Variants in SLC2A9 observed in about 807,000 individuals in gnomAD.
SLC2A9 encodes solute carrier family 2 member 9.
SLC2A9 carries 39 observed loss-of-function variants against 50.6 expected under a neutral mutation model. That is an observed-to-expected ratio of 0.77 (90% CI 0.60 to 1.01). SLC2A9 has a LOEUF of 1.01. Ranked by LOEUF, SLC2A9 falls within the 50% of genes least tolerant of loss-of-function variation. The pLI, the probability that SLC2A9 is intolerant of heterozygous loss-of-function variation, is 0.00. For synonymous variants in SLC2A9, 324 were observed against 276.9 expected (o/e 1.17, Z -1.69); for missense variants, 686 against 677.6 (o/e 1.01, Z -0.14).
chr4:9,798,299 C>T (rs1720842533), downstream of SLC2A9, among the ~76,000 whole-genome samples: 1 of 152,212 alleles, frequency 6.6e-6, no homozygotes, highest in African/African-American at 2.4e-5. Context: ...AAGCTAAATA[C>T]TCAGCTTATG....
At chr4:9,780,012 C>T (rs918478605) in exon 4 of SLC2A9, 128 of 152,402 alleles carry the variant, frequency 8.4e-4, no homozygotes, top group Non-Finnish European at 1.8e-4. Context: ...GTGGTGGTGG[C>T]GGCAGCTTGA....
At chr4:9,775,982 G>A (rs892192989), downstream of SLC2A9, among the ~76,000 whole-genome samples, 1 of 151,970 alleles carries the variant, frequency 6.6e-6, no homozygotes, top group African/African-American at 2.4e-5. Flanking sequence ...TGTTCCTAAG[G>A]CTCAGATCTG....
chr4:10,004,584 T>C (rs1760433988), intron 2 of SLC2A9, among the ~76,000 whole-genome samples: 1 of 152,230 alleles, frequency 6.6e-6, no homozygotes, highest in African/African-American at 2.4e-5. Flanking sequence ...AATGGCTTCA[T>C]GGAGCAGAGT....
chr4:9,903,815 A>C (rs1287753125), intron 8 of SLC2A9, among the ~76,000 whole-genome samples: 1 of 147,888 alleles, frequency 6.8e-6, no homozygotes, highest in African/African-American at 2.5e-5. Context: ...ATATATTTCA[A>C]GATATATAAT....
intron 1 of SLC2A9, among the ~76,000 whole-genome samples, chr4:10,030,258 T>A (rs754807587): frequency 5.9e-5 from 9 of 152,166 alleles, no homozygotes; most frequent in Non-Finnish European, 1.2e-4. Context: ...AGGGGATGAG[T>A]TAGCTTGATG....
At chr4:9,986,009 A>ATCTATGAAT (rs1210017446) in intron 3 of SLC2A9, among the ~76,000 whole-genome samples, 2 of 152,196 alleles carry the variant, frequency 1.3e-5, no homozygotes, top group African/African-American at 4.8e-5. Flanking sequence ...CAGCCTTGAC[A>ATCTATGAAT]TCTATGAATT....
intron 3 of SLC2A9, among the ~76,000 whole-genome samples, chr4:9,801,641 C>T (rs1413149445): frequency 6.6e-6 from 1 of 152,162 alleles, no homozygotes; most frequent in Non-Finnish European, 1.5e-5. Flanking sequence ...TCCTTAGCTT[C>T]AGAGGAAGTT....
intron 5 of SLC2A9, among the ~76,000 whole-genome samples, chr4:9,970,232 C>G (rs748493886): frequency 2.6e-5 from 4 of 152,186 alleles, no homozygotes; most frequent in African/African-American, 9.6e-5. Context: ...ATCGGACATG[C>G]TTTGCGTGCA....
intron 1 of SLC2A9, among the ~76,000 whole-genome samples, chr4:9,773,122 C>T (rs1257906925): frequency 6.6e-6 from 1 of 152,182 alleles, no homozygotes; most frequent in Non-Finnish European, 1.5e-5. Context: ...CTGCCAGAAA[C>T]CTCCTTGCTC....
At chr4:9,978,824 T>C (rs1371376840) in intron 5 of SLC2A9, among the ~76,000 whole-genome samples, 1 of 152,218 alleles carries the variant, frequency 6.6e-6, no homozygotes, top group Non-Finnish European at 1.5e-5. Flanking sequence ...GGCTGAAATA[T>C]AAAAAGTCAC....
intron 2 of SLC2A9, among the ~76,000 whole-genome samples, chr4:9,997,328 C>T (rs755281744): frequency 6.6e-6 from 1 of 152,068 alleles, no homozygotes; most frequent in Non-Finnish European, 1.5e-5. Context: ...TCAGATCTGA[C>T]CCCAAGCTTA....
chr4:10,026,724 C>T (rs1003293564), intron 1 of SLC2A9, among the ~76,000 whole-genome samples: 1 of 152,160 alleles, frequency 6.6e-6, no homozygotes, highest in African/African-American at 2.4e-5. Context: ...ATGAATGCAC[C>T]TTGAAAACAT....
In SLC2A9 at chr4:9,917,452, C is replaced by A. The variant is rs866887821; in HGVS notation, c.1002+2933G>T. Among the ~76,000 whole-genome samples the A allele has an allele frequency of 4.7e-5, 7 of 150,244 alleles. No individual in the cohort carries two copies. In the South Asian group the frequency reaches 1.3e-3, roughly 27 times the overall value. On this transcript the variant is annotated intron_variant, in intron 7 of 11. Coordinates refer to ENST00000264784, the MANE Select transcript of SLC2A9 (RefSeq NM_020041.3). The stretch of plus-strand genomic sequence containing the variant: ...GGTTCCAGTGATTCTCCTGCCTCAG[C>A]CTCCAGAGTAGCTGGGACTACAGGT...
intron 10 of SLC2A9, among the ~76,000 whole-genome samples, chr4:9,861,851 A>G (rs533068851): frequency 8.5e-5 from 13 of 152,326 alleles, no homozygotes; most frequent in African/African-American, 2.9e-4. Context: ...TGATTAAAGT[A>G]CAGACACATC....
chr4:9,916,673 G>C (rs1201544790), intron 7 of SLC2A9, among the ~76,000 whole-genome samples: 1 of 152,156 alleles, frequency 6.6e-6, no homozygotes, highest in African/African-American at 2.4e-5. Flanking sequence ...AAGTGACTAT[G>C]ATTGGCTTCT....
intron 3 of SLC2A9, among the ~76,000 whole-genome samples, chr4:9,788,183 T>A (rs1297740557): frequency 1.3e-5 from 2 of 152,056 alleles, no homozygotes; most frequent in African/African-American, 4.8e-5. Context: ...AATCTTGGTT[T>A]TTTAGTTTTC....
At chr4:9,987,790 C>T (rs917749846) in intron 3 of SLC2A9, among the ~76,000 whole-genome samples, 16 of 151,604 alleles carry the variant, frequency 1.1e-4, no homozygotes, top group Admixed American at 7.9e-4. Flanking sequence ...ATCATGCCAC[C>T]GCACTCCAAC....
chr4:9,871,578 C>T (rs145707688), intron 10 of SLC2A9, among the ~76,000 whole-genome samples: 22 of 152,266 alleles, frequency 1.4e-4, no homozygotes, highest in Non-Finnish European at 2.9e-4. Flanking sequence ...TTGTCTTATA[C>T]GGACACCAGA....
chr4:9,999,510 C>A (rs1177356320), intron 2 of SLC2A9, among the ~76,000 whole-genome samples: 1 of 152,016 alleles, frequency 6.6e-6, no homozygotes, highest in East Asian at 1.9e-4. Context: ...GTGTTCCAGG[C>A]AGAGGGAGAA....
Sources: gnomAD v4.1 joint callset for allele counts (sites outside exome capture counted in the v4.1 genomes callset) on GRCh38, gnomAD v4.1.1 for gene constraint, MANE v1.5 for transcripts, NCBI Gene and HGNC (gene_info 2026-07-23, HGNC 2026-07-21) for gene names.